Variants in NID2 observed in about 807,000 individuals in gnomAD.
NID2 encodes the protein nidogen 2.
A neutral mutation model predicts 145.4 loss-of-function variants in NID2; 83 were observed. The ratio of observed to expected loss-of-function variants is 0.57; its 90% CI spans 0.48 to 0.69. The LOEUF (loss-of-function observed/expected upper bound fraction) is 0.69, where lower values mean the gene tolerates loss of function less well. NID2 is among the 30% of genes least tolerant of loss of function. The pLI is 0.00. For missense variants in NID2, 1,807 were observed against 1,765.7 expected, an observed-to-expected ratio of 1.02 and a Z score of -0.42; for synonymous variants, 739 against 701.3, an observed-to-expected ratio of 1.05 and a Z score of -0.85.
chr14:52,040,573 A>C, intron 8 of NID2, 78 bp downstream of exon 8: 1 of 1,224,666 alleles, frequency 8.2e-7, no homozygotes, highest in Non-Finnish European at 1.2e-6. Context: ...ATGCCATGTA[A>C]GTCATTTAAG....
chr14:52,047,334 G>T (rs1272448129), intron 5 of NID2, among the ~76,000 whole-genome samples: 1 of 152,120 alleles, frequency 6.6e-6, no homozygotes, highest in Non-Finnish European at 1.5e-5. Flanking sequence ...CTGAGCAGAG[G>T]CCAGGAGGAG....
rs769625281 is a variant in NID2 at position 52,006,578 on chromosome 14, G to T, written c.3963C>A (p.Ile1321=). Residue 1321 remains isoleucine (I), a synonymous_variant, in exon 20 of 22, where the codon ATC becomes ATA. Coordinates refer to ENST00000216286, the MANE Select transcript of NID2 (RefSeq NM_007361.4). ...GGTAGAAGTGATCTGCATAGCTTAC[G>T]ATGCTGAAGGGGTACTTGAGGTTGT... ...IQNNLKYPFS[I]VSYADHFYHT... is the part of the protein sequence containing the mutation. The T allele has an allele frequency of 6.2e-7, 1 of 1,613,814 alleles. No homozygotes were observed. Among genetic ancestry groups the T allele is most frequent in the South Asian group, 1.1e-5 (1 of 91,068 alleles).
At chr14:52,006,834 T>TAGAG in intron 19 of NID2, 174 bp from the exon 20 acceptor site, 1 of 538,938 alleles carries the variant, frequency 1.9e-6, no homozygotes, top group Non-Finnish European at 3.1e-6. Context: ...CAGTTTTTAG[T>TAGAG]AGAGATTCAA....
intron 12 of NID2, among the ~76,000 whole-genome samples, chr14:52,026,112 T>C (rs1014015054): frequency 6.6e-5 from 10 of 152,216 alleles, no homozygotes; most frequent in African/African-American, 2.2e-4. Context: ...ACAGTGACCT[T>C]TGTTCTGTCA....
rs184751595 is a variant in NID2 at position 52,043,876 on chromosome 14, A to G, written c.1430-945T>C. Among the ~76,000 whole-genome samples, 361 of 152,272 alleles carry G rather than the reference A, an allele frequency of 2.4e-3. 2 individuals are homozygous for G. Among genetic ancestry groups the G allele is most frequent in the Non-Finnish European group, 2.8e-3 (188 of 68,016 alleles). On this transcript the variant is annotated intron_variant, in intron 5 of 21. Coordinates refer to ENST00000216286, the MANE Select transcript of NID2 (RefSeq NM_007361.4). ...CCCAAGCATGGCCACCAGGAGGCCA[A>G]GCGGCTGCACACACCTCTGCCTCCA...
At chr14:52,009,439 T>C (rs1890923046) in intron 18 of NID2, 1 of 152,252 alleles carries the variant, frequency 6.6e-6, no homozygotes, top group Admixed American at 6.5e-5. Context: ...ACAACCATTC[T>C]GTTACGCAGT....
At chr14:52,027,066 TC>T in intron 12 of NID2, 134 bp downstream of exon 12, 1 of 889,140 alleles carries the variant, frequency 1.1e-6, no homozygotes, top group Non-Finnish European at 1.5e-6. Context: ...GACGCTTTTT[TC>T]TCACTATTTT....
chr14:52,030,655 A>C (rs1891825024), intron 9 of NID2, among the ~76,000 whole-genome samples: 1 of 151,662 alleles, frequency 6.6e-6, no homozygotes, highest in African/African-American at 2.4e-5. Context: ...AAAGAGAAAG[A>C]AAGAAAGAAA....
At chr14:52,019,376 G>T in intron 13 of NID2, 82 bp from the exon 14 acceptor site, 1 of 1,117,922 alleles carries the variant, frequency 8.9e-7, no homozygotes, top group Non-Finnish European at 1.2e-6. Context: ...CCACAGCGTG[G>T]CATGGAAAAG....
intron 10 of NID2, 70 bp from the exon 11 acceptor site, chr14:52,028,920 C>G: frequency 6.6e-7 from 1 of 1,517,342 alleles, no homozygotes; most frequent in Non-Finnish European, 9.0e-7. Context: ...TCTAAAAACT[C>G]AATGTTTTCT....
Position 52,019,509 on chromosome 14 carries a change from C to T in NID2, c.2795-215G>A, listed in dbSNP as rs181745911. On this transcript the variant is annotated intron_variant, in intron 13 of 21. Transcript: ENST00000216286. ...AGCTGGCTCTAAGTGTAAAGCAGCC[C>T]GGCCCCTCCCTATTGTCATCTGGGG... 2.0e-3 allele frequency among the ~76,000 whole-genome samples: 305 copies of T among 152,250 alleles called. 8 individuals carry two copies. The highest frequency in any genetic ancestry group is 3.2e-4 in the Non-Finnish European group (22 of 68,028).
chr14:52,051,508 T>C (rs1354887949), intron 5 of NID2, among the ~76,000 whole-genome samples: 1 of 152,206 alleles, frequency 6.6e-6, no homozygotes, highest in Non-Finnish European at 1.5e-5. Flanking sequence ...GCCAGGCAGA[T>C]GCCACATGGC....
chr14:52,051,004 C>T (rs115503371), intron 5 of NID2, among the ~76,000 whole-genome samples: 1,710 of 152,276 alleles, frequency 0.011, 30 homozygotes, highest in African/African-American at 0.039. Context: ...GACAACAAAA[C>T]GACCAGAGCT....
intron 13 of NID2, among the ~76,000 whole-genome samples, chr14:52,019,843 G>C (rs886878836): frequency 6.6e-6 from 1 of 152,138 alleles, no homozygotes; most frequent in Admixed American, 6.5e-5. Flanking sequence ...GAGGTAGGAC[G>C]ATGGGTGGGT....
intron 8 of NID2, 32 bp downstream of exon 8, chr14:52,040,619 A>C (rs191373692): frequency 2.2e-4 from 351 of 1,585,672 alleles, no homozygotes; most frequent in Non-Finnish European, 2.8e-4. Context: ...CATAATCCCC[A>C]TTTTACAGAT....
intron 3 of NID2, 150 bp from the exon 4 acceptor site, chr14:52,054,471 G>A: frequency 2.6e-6 from 2 of 755,940 alleles, no homozygotes; most frequent in South Asian, 3.8e-5. Context: ...CAAGGCCAAA[G>A]TAGGAGGATG....
chr14:52,024,324 G>T (rs549654437), intron 12 of NID2, among the ~76,000 whole-genome samples: 8 of 152,334 alleles, frequency 5.3e-5, no homozygotes, highest in Admixed American at 2.6e-4. Flanking sequence ...CTTGCTAGCA[G>T]ACTTTCTCTG....
chr14:52,036,352 C>G (rs1214015642), intron 9 of NID2, among the ~76,000 whole-genome samples: 3 of 152,094 alleles, frequency 2.0e-5, no homozygotes, highest in African/African-American at 7.2e-5. Context: ...TACTTCATTC[C>G]TTTTTATGGT....
chr14:52,061,521 G>T (rs1209275408), intron 2 of NID2, among the ~76,000 whole-genome samples: 5 of 152,172 alleles, frequency 3.3e-5, no homozygotes, highest in Admixed American at 3.3e-4. Flanking sequence ...GAAATGGTAG[G>T]AGAGTCACTG....
Sources: gnomAD v4.1 joint callset for allele counts (sites outside exome capture counted in the v4.1 genomes callset) on GRCh38, gnomAD v4.1.1 for gene constraint, MANE v1.5 for transcripts, NCBI Gene and HGNC (gene_info 2026-07-23, HGNC 2026-07-21) for gene names.